Variants in OR52N4 observed in about 807,000 individuals in gnomAD.
OR52N4 encodes the protein olfactory receptor 52N4.
A neutral mutation model predicts 15.0 loss-of-function variants in OR52N4; 15 were observed. The ratio of observed to expected loss-of-function variants is 1.00; its 90% CI spans 0.67 to 1.54. OR52N4 has a LOEUF of 1.54. OR52N4 is among the 40% of genes most tolerant of loss of function. The probability of loss-of-function intolerance (pLI) is 0.00; values close to 1 mark genes in which losing one functional copy is unlikely to be tolerated. For missense variants in OR52N4, 421 were observed against 394.0 expected (o/e 1.07, Z -0.58); for synonymous variants, 143 against 143.7 (o/e 1.00, Z 0.03).
chr11:5,740,139 C>T, the OR52N4 span, among the ~76,000 whole-genome samples: 1 of 127,554 alleles, frequency 7.8e-6, no homozygotes, highest in African/African-American at 2.8e-5. Context: ...GGACTAAACC[C>T]AACACAGATC....
the OR52N4 span, among the ~76,000 whole-genome samples, chr11:5,730,828 C>T: frequency 6.6e-6 from 1 of 151,158 alleles, no homozygotes. Flanking sequence ...GCAGAAAACA[C>T]TGTGCTCTTC....
At chr11:5,729,819 A>T in the OR52N4 span, among the ~76,000 whole-genome samples, 2 of 152,210 alleles carry the variant, frequency 1.3e-5, no homozygotes, top group Non-Finnish European at 2.9e-5. Flanking sequence ...ACTGTCTCCA[A>T]TTATAATCCT....
the OR52N4 span, among the ~76,000 whole-genome samples, chr11:5,744,459 G>A: frequency 6.6e-6 from 1 of 152,126 alleles, no homozygotes; most frequent in East Asian, 1.9e-4. Context: ...AATCTTCAGC[G>A]AAATACTACA....
upstream of OR52N4, among the ~76,000 whole-genome samples, chr11:5,750,685 AAT>A (rs35547312): frequency 0.45 from 67,473 of 151,380 alleles, 15,766 homozygotes; most frequent in Middle Eastern, 0.53. Context: ...TGAAAAATAT[AAT>A]AGTGACTACA....
At chr11:5,750,149 T>C (rs1252963277), upstream of OR52N4, among the ~76,000 whole-genome samples, 1 of 151,922 alleles carries the variant, frequency 6.6e-6, no homozygotes, top group Admixed American at 6.6e-5. Context: ...GTGCATGTAA[T>C]CTCAGAAGCA....
chr11:5,743,370 G>T, the OR52N4 span, among the ~76,000 whole-genome samples: 1 of 152,046 alleles, frequency 6.6e-6, no homozygotes, highest in African/African-American at 2.4e-5. Context: ...AACTTAAATT[G>T]CCCTCTAGAT....
At chr11:5,729,851 T>C in the OR52N4 span, among the ~76,000 whole-genome samples, 1 of 152,232 alleles carries the variant, frequency 6.6e-6, no homozygotes, top group South Asian at 2.1e-4. Context: ...TTGATGTGTA[T>C]AGCCATTATT....
the OR52N4 span, chr11:5,726,964 C>A: frequency 6.5e-6 from 1 of 154,152 alleles, no homozygotes. Context: ...TAGTGCGAGG[C>A]TCCCTGCTCA....
In OR52N4 at chr11:5,754,907, C is replaced by T. The variant is rs1238076171; in HGVS notation, c.167C>T (p.Ala56Val). 1 of 1,613,684 alleles carries T rather than the reference C, an allele frequency of 6.2e-7. No homozygotes were observed. The change falls in exon 2 of 2, where the codon GCC becomes GTC. Residue 56 changes from alanine (A) to valine (V), a missense_variant. Ala to Val is a moderately conservative substitution (Grantham distance 64, BLOSUM62 0). Coordinates refer to ENST00000641350, the MANE Select transcript of OR52N4 (RefSeq NM_001005175.5). Reference sequence around the variant, plus strand: ...CTCTACCTCATTCACTATGAGGATGCCCTGCACAAACCCATGTACTACTTC... The same window carrying T: ...CTCTACCTCATTCACTATGAGGATGTCCTGCACAAACCCATGTACTACTTC... ...GLLYLIHYED[A>V]LHKPMYYFLA...
Position 5,755,733 on chromosome 11 carries a change from G to A in OR52N4, c.*27G>A. 1.3e-6 allele frequency: 2 copies of A among 1,594,284 alleles called. No individual in the cohort carries two copies. Among genetic ancestry groups the A allele is most frequent in the Non-Finnish European group, 8.5e-7 (1 of 1,170,920 alleles). On this transcript the variant is annotated 3_prime_UTR_variant, in exon 2 of 2. Transcript: ENST00000641350. ...TGAACACTTGCCAGGAGTGAGAAGAGAAGGAAAGAATTACTTCTATTTGCC... is the reference window on the plus strand; with the variant it reads ...TGAACACTTGCCAGGAGTGAGAAGAAAAGGAAAGAATTACTTCTATTTGCC...
At chr11:5,729,839 T>A in the OR52N4 span, among the ~76,000 whole-genome samples, 18 of 152,344 alleles carry the variant, frequency 1.2e-4, no homozygotes, top group Admixed American at 4.6e-4. Flanking sequence ...TCATATAAAC[T>A]TTTGATGTGT....
chr11:5,730,996 G>A, the OR52N4 span, among the ~76,000 whole-genome samples: 1 of 151,962 alleles, frequency 6.6e-6, no homozygotes, highest in Admixed American at 6.6e-5. Flanking sequence ...ATTAGTATTT[G>A]GAATCTGTTC....
chr11:5,729,055 C>A, the OR52N4 span, among the ~76,000 whole-genome samples: 1 of 150,330 alleles, frequency 6.7e-6, no homozygotes, highest in Non-Finnish European at 1.5e-5. Flanking sequence ...CACCCCACAA[C>A]AGACCCCGGT....
the OR52N4 span, chr11:5,727,566 T>G: frequency 6.6e-6 from 1 of 152,186 alleles, no homozygotes; most frequent in African/African-American, 2.4e-5. Flanking sequence ...GGGGATAATG[T>G]CTTCTGCAGA....
the OR52N4 span, chr11:5,736,529 T>C: frequency 6.2e-7 from 1 of 1,613,628 alleles, no homozygotes; most frequent in Non-Finnish European, 8.5e-7. Context: ...GAATCATATG[T>C]CTGCATCTCT....
At chr11:5,733,721 A>G in the OR52N4 span, among the ~76,000 whole-genome samples, 1 of 152,186 alleles carries the variant, frequency 6.6e-6, no homozygotes, top group African/African-American at 2.4e-5. Context: ...ATGTTTTTCA[A>G]ACACAGACAG....
the OR52N4 span, among the ~76,000 whole-genome samples, chr11:5,730,943 A>G: frequency 6.6e-6 from 1 of 152,052 alleles, no homozygotes; most frequent in Non-Finnish European, 1.5e-5. Context: ...TTCTGATGAT[A>G]TCATCTTGAA....
chr11:5,730,481 A>G, the OR52N4 span, among the ~76,000 whole-genome samples: 1 of 151,676 alleles, frequency 6.6e-6, no homozygotes, highest in Non-Finnish European at 1.5e-5. Context: ...GTGAGCCACC[A>G]CGCCCGGCCA....
chr11:5,755,214 T>C lies in OR52N4; in HGVS notation c.474T>C (p.Ile158=), dbSNP rs767869741. 6.2e-7 allele frequency: 1 copy of C among 1,613,996 alleles called. No homozygotes were observed. Among genetic ancestry groups the C allele is most frequent in the Non-Finnish European group, 8.5e-7 (1 of 1,179,950 alleles). The change falls in exon 2 of 2, where the codon ATT becomes ATC. Residue 158 remains isoleucine (I), a synonymous_variant. Transcript: ENST00000641350. ...TATFLRGVLL[I]IPFTFLTKLL... The stretch of plus-strand genomic sequence containing the variant: ...CCTTCCTGAGAGGGGTATTACTCAT[T>C]ATTCCCTTTACTTTCCTCACCAAGC...
Sources: allele counts gnomAD v4.1 joint callset (sites outside exome capture counted in the v4.1 genomes callset), GRCh38; gene constraint gnomAD v4.1.1; transcripts MANE v1.5; gene names NCBI Gene and HGNC (gene_info 2026-07-23, HGNC 2026-07-21).